Variants in BPHL observed in about 807,000 individuals in gnomAD.
The protein encoded by BPHL is biphenyl hydrolase like.
BPHL carries 27 observed loss-of-function variants against 31.2 expected under a neutral mutation model. The ratio of observed to expected loss-of-function variants is 0.87; its 90% CI spans 0.64 to 1.19. BPHL has a LOEUF of 1.19. Among genes scored for constraint, BPHL ranks in the 50% most tolerant of loss-of-function variants. The pLI, the probability that BPHL is intolerant of heterozygous loss-of-function variation, is 0.00. For missense variants in BPHL, 356 were observed against 375.7 expected (o/e 0.95, Z 0.43); for synonymous variants, 150 against 146.8 (o/e 1.02, Z -0.16).
At chr6:3,120,801 T>C (rs148097097) in intron 1 of BPHL, among the ~76,000 whole-genome samples, 3 of 152,346 alleles carry the variant, frequency 2.0e-5, no homozygotes, top group Non-Finnish European at 2.9e-5. Context: ...AAAAAATATT[T>C]TCCAAGTTCA....
chr6:3,136,727 G>C (rs1762025378), intron 4 of BPHL, among the ~76,000 whole-genome samples: 1 of 152,218 alleles, frequency 6.6e-6, no homozygotes, highest in Non-Finnish European at 1.5e-5. Flanking sequence ...TGTATTTAAA[G>C]AAATATAGAA....
chr6:3,134,318 G>A (rs1209965826), intron 4 of BPHL, among the ~76,000 whole-genome samples: 2 of 151,754 alleles, frequency 1.3e-5, no homozygotes, highest in Admixed American at 1.3e-4. Flanking sequence ...GGGTAACTGT[G>A]TTGCAAGCAC....
In BPHL at chr6:3,140,261, A is replaced by G; in HGVS notation, c.665-125A>G. ...GGAATCCCAGGCACGGTCAAATCCA[A>G]AACACAGTTTTTACGGATAGGGAAA... On this transcript the variant is annotated intron_variant, in intron 5 of 6. Transcript: ENST00000380379. The surrounding 1 kb of genome is among the most constrained non-coding windows in gnomAD (Gnocchi z 5.2). 7.7e-7 allele frequency: 1 copy of G among 1,298,348 alleles called. No individual in the cohort carries two copies. Among genetic ancestry groups the G allele is most frequent in the Non-Finnish European group, 1.1e-6 (1 of 942,900 alleles). 80.4% of individuals were successfully genotyped at this position (1,298,348 alleles called of 1,614,324 possible).
Position 3,152,628 on chromosome 6 carries a change from C to G in BPHL, c.*53C>G. On this transcript the variant is annotated 3_prime_UTR_variant, in exon 7 of 7. Coordinates refer to ENST00000380379, the MANE Select transcript of BPHL (RefSeq NM_004332.4). ...CTTCGTGTGGGGCTTGATCGTGTTG[C>G]TGCCTGTTAACATGATGCCTTTGAA... 1 of 1,514,798 alleles carries G rather than the reference C, an allele frequency of 6.6e-7. No individual in the cohort carries two copies. The highest frequency in any genetic ancestry group is 1.2e-5 in the South Asian group (1 of 86,322). The allele number at this position is 1,514,798 out of a possible 1,614,324, so 93.8% of individuals were successfully genotyped here.
chr6:3,119,644 A>G (rs1015181696), intron 1 of BPHL: 13 of 1,257,432 alleles, frequency 1.0e-5, no homozygotes, highest in Non-Finnish European at 1.5e-5. Flanking sequence ...TATTCTCTAC[A>G]TACATCCCTA....
rs916420927 is a variant in BPHL at position 3,118,725 on chromosome 6, T to C, written c.-16T>C. ...TTAGCGCATGCGCACTCCCGGCAGC[T>C]ACGCGACCTGTGACCATGGTGGCTG... On this transcript the variant is annotated 5_prime_UTR_variant, in exon 1 of 7. Transcript: ENST00000380379. 7.9e-7 allele frequency: 1 copy of C among 1,257,880 alleles called. No homozygotes were observed. The allele number at this position is 1,257,880 out of a possible 1,614,324, so 77.9% of individuals were successfully genotyped here.
At chr6:3,150,761 C>T (rs1014158803) in intron 6 of BPHL, among the ~76,000 whole-genome samples, 1 of 152,148 alleles carries the variant, frequency 6.6e-6, no homozygotes, top group African/African-American at 2.4e-5. Flanking sequence ...AACAGAGTTT[C>T]TGTGCAGTGA....
rs541222016 is a variant in BPHL, at chr6:3,132,242, G to A, written c.532+3044G>A. ...CTTGGCTCCTTGGTCATTCTGCAGC[G>A]TTTGAGAACATGCTCATGATGTGTG... On this transcript the variant is annotated intron_variant, in intron 4 of 6. Coordinates refer to ENST00000380379, the MANE Select transcript of BPHL (RefSeq NM_004332.4). Among the ~76,000 whole-genome samples the A allele has an allele frequency of 6.6e-5, 10 of 152,306 alleles. No homozygotes were observed. In the South Asian group the frequency reaches 1.5e-3, roughly 22 times the overall value.
chr6:3,148,577 TCTGCTA>T (rs1267106557), intron 6 of BPHL, among the ~76,000 whole-genome samples: 1 of 152,236 alleles, frequency 6.6e-6, no homozygotes, highest in Non-Finnish European at 1.5e-5. Context: ...TGCCAGCTCC[TCTGCTA>T]CTGCCCCAGG....
rs1762560082 is a variant in BPHL, at chr6:3,152,734, C to T, written c.*159C>T. 2 of 626,956 alleles carry T rather than the reference C, an allele frequency of 3.2e-6. No homozygotes were observed. Among genetic ancestry groups the T allele is most frequent in the African/African-American group, 1.9e-5 (1 of 52,846 alleles). The allele number at this position is 626,956 out of a possible 1,614,324, so 38.8% of individuals were successfully genotyped here. On this transcript the variant is annotated 3_prime_UTR_variant, in exon 7 of 7. Transcript: ENST00000380379. The stretch of plus-strand genomic sequence containing the variant: ...AGAATAATGACATATTGAAAACAGC[C>T]TCTAGCTTCAGGCTGGGCACGGTGG...
Position 3,129,032 on chromosome 6 carries a change from C to T in BPHL, c.379-13C>T, listed in dbSNP as rs1761791982. Reference sequence around the variant, plus strand: ...CAATAACCCGTGCCGTGCATTTTGTCGTATGATCATAGGCGCTGAAGTTTA... The same window carrying T: ...CAATAACCCGTGCCGTGCATTTTGTTGTATGATCATAGGCGCTGAAGTTTA... On this transcript the variant is annotated splice_polypyrimidine_tract_variant and intron_variant, in intron 3 of 6. Coordinates refer to ENST00000380379, the MANE Select transcript of BPHL (RefSeq NM_004332.4). 6.8e-6 allele frequency: 11 copies of T among 1,614,236 alleles called. No individual in the cohort carries two copies. The highest frequency in any genetic ancestry group is 2.7e-5 in the African/African-American group (2 of 75,064).
At chr6:3,124,554 A>G (rs142780429) in intron 2 of BPHL, among the ~76,000 whole-genome samples, 1 of 151,138 alleles carries the variant, frequency 6.6e-6, no homozygotes, top group Non-Finnish European at 1.5e-5. Flanking sequence ...CATGGAAGCT[A>G]CGCATGTTCT....
intron 3 of BPHL, among the ~76,000 whole-genome samples, chr6:3,128,099 A>G (rs1977104): frequency 0.051 from 7,748 of 152,290 alleles, 438 homozygotes; most frequent in African/African-American, 0.13. Flanking sequence ...GATTACAGGC[A>G]TGAGCCACCA....
intron 2 of BPHL, among the ~76,000 whole-genome samples, chr6:3,126,635 G>A (rs1428184080): frequency 2.0e-5 from 3 of 151,658 alleles, no homozygotes; most frequent in African/African-American, 7.3e-5. Flanking sequence ...TGTCACCAGG[G>A]TAGAGTGCAG....
chr6:3,140,358 CAG>C lies in BPHL; in HGVS notation c.665-26_665-25del, dbSNP rs769820657. 1 of 1,613,552 alleles carries C rather than the reference CAG, an allele frequency of 6.2e-7. No individual in the cohort carries two copies. Among genetic ancestry groups the C allele is most frequent in the Non-Finnish European group, 8.5e-7 (1 of 1,179,756 alleles). ...ACCGCGTAGAATGGTTGCACTAAAG[CAG>C]ATTCCTCGTGCTGTGTATCCGTCAG... is the stretch of plus-strand genomic sequence containing the variant. On this transcript the variant is annotated intron_variant, in intron 5 of 6. Coordinates refer to ENST00000380379, the MANE Select transcript of BPHL (RefSeq NM_004332.4). This position sits in a 1 kb window ranked among gnomAD's most constrained non-coding sequence, Gnocchi z 5.2.
At chr6:3,137,079 A>C (rs945548232) in intron 4 of BPHL, among the ~76,000 whole-genome samples, 1 of 151,996 alleles carries the variant, frequency 6.6e-6, no homozygotes, top group Non-Finnish European at 1.5e-5. Flanking sequence ...GTGGGCCTGT[A>C]TTGTGGGAGG....
Position 3,129,305 on chromosome 6 carries a change from A to G in BPHL, c.532+107A>G, listed in dbSNP as rs184769065. The G allele has an allele frequency of 1.3e-4, 179 of 1,334,594 alleles. 1 individual carries two copies. In the African/African-American group the frequency reaches 2.5e-3, roughly 19 times the overall value. The allele number at this position is 1,334,594 out of a possible 1,614,324, so 82.7% of individuals were successfully genotyped here. A position where few individuals can be genotyped will look rare whatever the true frequency, so the allele number is the denominator to read the frequency against. ...GACAAGACACATCTCTCGTGCTTCT[A>G]GTTCTCAACTCTCAGGTAGGAAGAA... On this transcript the variant is annotated intron_variant, in intron 4 of 6. Coordinates refer to ENST00000380379, the MANE Select transcript of BPHL (RefSeq NM_004332.4).
upstream of BPHL, chr6:3,118,571 T>C: frequency 2.2e-6 from 1 of 457,122 alleles, no homozygotes; most frequent in Non-Finnish European, 3.5e-6. Flanking sequence ...CGGTCGCCCA[T>C]GGGAAAGCAC....
chr6:3,151,552 C>T (rs1426176065), intron 6 of BPHL, among the ~76,000 whole-genome samples: 1 of 152,152 alleles, frequency 6.6e-6, no homozygotes, highest in Non-Finnish European at 1.5e-5. Context: ...TACTGAGGTT[C>T]TGAGCTGTCA....
Sources: allele counts gnomAD v4.1 joint callset (sites outside exome capture counted in the v4.1 genomes callset), GRCh38; gene constraint gnomAD v4.1.1; non-coding constraint Gnocchi (gnomAD v3.1); transcripts MANE v1.5; gene names NCBI Gene and HGNC (gene_info 2026-07-23, HGNC 2026-07-21).